Variants in MAGI2 observed in about 807,000 individuals in gnomAD.
The protein encoded by MAGI2 is membrane-associated guanylate kinase, WW and PDZ domain-containing protein 2.
In MAGI2, 35 loss-of-function variants were observed where a neutral mutation model predicts 133.3. The observed-to-expected ratio is 0.26, with a 90% CI of 0.20 to 0.35. The LOEUF is 0.35. Among genes scored for constraint, MAGI2 ranks in the 10% least tolerant of loss-of-function variants. MAGI2 has a pLI of 1.00. For missense variants in MAGI2, 1,636 were observed against 1,863.4 expected (o/e 0.88, Z 2.25); for synonymous variants, 729 against 710.6 (o/e 1.03, Z -0.41).
chr7:78,806,885 A>G (rs990519641), intron 2 of MAGI2, among the ~76,000 whole-genome samples: 25 of 147,982 alleles, frequency 1.7e-4, no homozygotes, highest in Admixed American at 1.3e-3. Flanking sequence ...AATAAAATAA[A>G]ATAAAATAAA....
At position 78,217,939 on chromosome 7, in the gene MAGI2, A is replaced by G. The variant is rs116560458; in HGVS notation, c.2048-16746T>C. The stretch of plus-strand genomic sequence containing the variant: ...ATCATAATCTCCTGTGTATTTACTT[A>G]GATGCATGACTATAAGGGGCATCAT... On this transcript the variant is annotated intron_variant, in intron 10 of 21. Coordinates refer to ENST00000354212, the MANE Select transcript of MAGI2 (RefSeq NM_012301.4). Among the ~76,000 whole-genome samples, 390 of 152,198 alleles carry G rather than the reference A, an allele frequency of 2.6e-3. 1 individual carries two copies. The highest frequency in any genetic ancestry group is 8.9e-3 in the African/African-American group (369 of 41,460).
intron 1 of MAGI2, among the ~76,000 whole-genome samples, chr7:79,137,450 G>GTGT (rs1554376800): frequency 3.8e-5 from 5 of 133,300 alleles, no homozygotes; most frequent in South Asian, 4.8e-4. Flanking sequence ...GGTGTTTTTT[G>GTGT]TTTTTTTTTT....
intron 1 of MAGI2, among the ~76,000 whole-genome samples, chr7:79,408,357 A>G (rs980579666): frequency 3.3e-5 from 5 of 152,124 alleles, no homozygotes; most frequent in Admixed American, 2.0e-4. Context: ...TCACTAAAAT[A>G]TAGGAAACTA....
chr7:79,202,587 T>A lies in MAGI2; in HGVS notation c.302-195381A>T, dbSNP rs115522726. Among the ~76,000 whole-genome samples, 300 of 152,100 alleles carry A rather than the reference T, an allele frequency of 2.0e-3. 6 individuals carry two copies. The highest frequency in any genetic ancestry group is 7.1e-3 in the African/African-American group (293 of 41,406). On this transcript the variant is annotated intron_variant, in intron 1 of 21. Transcript: ENST00000354212. The stretch of plus-strand genomic sequence containing the variant: ...ACACATACTATATTGTGCTGTTTCA[T>A]ACATTATTTAATAAAACGTATTTAA...
intron 3 of MAGI2, among the ~76,000 whole-genome samples, chr7:78,557,934 G>A (rs1799993999): frequency 6.6e-6 from 1 of 151,468 alleles, no homozygotes; most frequent in African/African-American, 2.4e-5. Flanking sequence ...TACTCTAGGT[G>A]GCCTCTCTCT....
At chr7:79,245,518 T>A (rs1024109374) in intron 1 of MAGI2, among the ~76,000 whole-genome samples, 1 of 152,020 alleles carries the variant, frequency 6.6e-6, no homozygotes, top group African/African-American at 2.4e-5. Context: ...TTCGGGGTGG[T>A]GGTGTCCATG....
chr7:78,765,073 T>G (rs1410615542), intron 2 of MAGI2, among the ~76,000 whole-genome samples: 1 of 152,214 alleles, frequency 6.6e-6, no homozygotes, highest in Non-Finnish European at 1.5e-5. Flanking sequence ...TGATTCTAAA[T>G]ACTTGTTGAT....
chr7:79,187,446 A>T (rs970185571), intron 1 of MAGI2, among the ~76,000 whole-genome samples: 1 of 151,760 alleles, frequency 6.6e-6, no homozygotes, highest in Non-Finnish European at 1.5e-5. Flanking sequence ...CTTAGTCCTT[A>T]CCCTCAGTCC....
intron 1 of MAGI2, among the ~76,000 whole-genome samples, chr7:79,448,184 C>T (rs1848993756): frequency 1.3e-5 from 2 of 151,862 alleles, no homozygotes; most frequent in Non-Finnish European, 2.9e-5. Flanking sequence ...GATGTTTACA[C>T]ATAAAGGGAG....
chr7:78,741,063 ATT>A (rs369154632), intron 2 of MAGI2, among the ~76,000 whole-genome samples: 17 of 151,940 alleles, frequency 1.1e-4, no homozygotes, highest in Non-Finnish European at 1.9e-4. Context: ...GAATGCAGCC[ATT>A]TTTTTTCCAT....
chr7:78,254,009 G>A (rs914676414), intron 10 of MAGI2: 1 of 152,146 alleles, frequency 6.6e-6, no homozygotes, highest in Non-Finnish European at 1.5e-5. Context: ...TTTTCGACTA[G>A]AAGTACTTTA....
chr7:78,684,290 G>A (rs1816025619), intron 2 of MAGI2, among the ~76,000 whole-genome samples: 1 of 152,082 alleles, frequency 6.6e-6, no homozygotes, highest in South Asian at 2.1e-4. Flanking sequence ...AAGTATCAAA[G>A]AAGAGAATAA....
chr7:78,917,046 T>A (rs1017387043), intron 2 of MAGI2, among the ~76,000 whole-genome samples: 1 of 152,090 alleles, frequency 6.6e-6, no homozygotes, highest in Non-Finnish European at 1.5e-5. Flanking sequence ...ACAGACGTAA[T>A]AAATTTCCAA....
chr7:79,244,726 T>G (rs1208146346), intron 1 of MAGI2, among the ~76,000 whole-genome samples: 1 of 152,158 alleles, frequency 6.6e-6, no homozygotes, highest in Non-Finnish European at 1.5e-5. Context: ...GTGTTGGGCT[T>G]GGAGCCAGTG....
intron 1 of MAGI2, among the ~76,000 whole-genome samples, chr7:79,113,454 G>T (rs767145456): frequency 2.6e-5 from 4 of 152,152 alleles, no homozygotes; most frequent in Admixed American, 1.3e-4. Flanking sequence ...GTCATGGAGA[G>T]ACCAGAAGGC....
intron 1 of MAGI2, among the ~76,000 whole-genome samples, chr7:79,189,426 A>G (rs1827458371): frequency 6.6e-6 from 1 of 151,636 alleles, no homozygotes; most frequent in Non-Finnish European, 1.5e-5. Context: ...ACCTATTAAA[A>G]GTAAATTTTC....
intron 5 of MAGI2, 151 bp downstream of exon 5, chr7:78,501,426 A>G: frequency 1.5e-6 from 1 of 656,884 alleles, no homozygotes; most frequent in Non-Finnish European, 2.6e-6. Context: ...GTATTAAGGC[A>G]CTATCCCACT....
chr7:78,086,384 C>T (rs940121533), intron 20 of MAGI2, among the ~76,000 whole-genome samples: 5 of 149,870 alleles, frequency 3.3e-5, no homozygotes, highest in Non-Finnish European at 5.9e-5. Flanking sequence ...ATTACAGGCG[C>T]ACTCCACCAC....
chr7:79,276,028 A>G lies in MAGI2; in HGVS notation c.301+176992T>C, dbSNP rs75522281. On this transcript the variant is annotated intron_variant, in intron 1 of 21. Coordinates refer to ENST00000354212, the MANE Select transcript of MAGI2 (RefSeq NM_012301.4). The stretch of plus-strand genomic sequence containing the variant: ...GATTAATGTTGTTTTCATGCCTGCT[A>G]ACACCCATTCTGCAGTCAATGGAAT... Among the ~76,000 whole-genome samples, 872 of 152,278 alleles carry G rather than the reference A, an allele frequency of 5.7e-3. 6 individuals carry two copies. The highest frequency in any genetic ancestry group is 0.02 in the African/African-American group (827 of 41,578).
Sources: gnomAD v4.1 joint callset for allele counts (sites outside exome capture counted in the v4.1 genomes callset) on GRCh38, gnomAD v4.1.1 for gene constraint, MANE v1.5 for transcripts, NCBI Gene and HGNC (gene_info 2026-07-23, HGNC 2026-07-21) for gene names.